The following RAD54B variants were observed in gnomAD, a reference collection of about 807,000 sequenced individuals.
RAD54B encodes RAD54 homolog B, also known as DNA repair and recombination protein RAD54B.
In RAD54B, 78 loss-of-function variants were observed where a neutral mutation model predicts 95.8. The ratio of observed to expected loss-of-function variants is 0.81; its 90% confidence interval spans 0.68 to 0.98. RAD54B has a LOEUF of 0.98. RAD54B is among the 50% of genes least tolerant of loss of function. RAD54B has a pLI of 0.00. For missense variants in RAD54B, 957 were observed against 1,056.6 expected, an observed-to-expected ratio of 0.91 and a Z score of 1.31; for synonymous variants, 328 against 354.9, an observed-to-expected ratio of 0.92 and a Z score of 0.85.
At chr8:94,448,747 C>A (rs1212416721) in intron 3 of RAD54B, among the ~76,000 whole-genome samples, 1 of 147,652 alleles carries the variant, frequency 6.8e-6, no homozygotes, top group South Asian at 2.1e-4. Context: ...ACAGTGGTTA[C>A]TAGAACAGAA....
intron 3 of RAD54B, among the ~76,000 whole-genome samples, chr8:94,447,120 T>C (rs2921385): frequency 0.56 from 85,761 of 151,970 alleles, 26,330 homozygotes; most frequent in East Asian, 0.82. Context: ...GTTAAGCAGT[T>C]AAGACAATCA....
chr8:94,391,945 T>G, intron 9 of RAD54B, 46 bp from the exon 10 acceptor site: 1 of 1,459,230 alleles, frequency 6.9e-7, no homozygotes, highest in East Asian at 2.3e-5. Context: ...TAGACAAAAA[T>G]ACACTTAAAA....
intron 3 of RAD54B, among the ~76,000 whole-genome samples, chr8:94,413,642 A>T (rs1811581533): frequency 6.6e-6 from 1 of 152,204 alleles, no homozygotes; most frequent in Non-Finnish European, 1.5e-5. Flanking sequence ...AGGATATACA[A>T]AGCTTTCTTA....
chr8:94,391,135 C>T (rs773999819), intron 10 of RAD54B, among the ~76,000 whole-genome samples: 12 of 151,890 alleles, frequency 7.9e-5, no homozygotes, highest in Non-Finnish European at 1.3e-4. Flanking sequence ...ATGTGATTTT[C>T]CATGGGTTGA....
chr8:94,473,846 A>G (rs1182990912), intron 1 of RAD54B, among the ~76,000 whole-genome samples: 1 of 152,184 alleles, frequency 6.6e-6, no homozygotes, highest in Non-Finnish European at 1.5e-5. Context: ...TGCTCCTTTG[A>G]GACTCCGGCT....
At chr8:94,442,435 C>T (rs372537148) in intron 3 of RAD54B, among the ~76,000 whole-genome samples, 5 of 152,034 alleles carry the variant, frequency 3.3e-5, no homozygotes, top group East Asian at 3.9e-4. Context: ...ATTAGCCAGG[C>T]GTGGTGGCAG....
intron 3 of RAD54B, among the ~76,000 whole-genome samples, chr8:94,434,390 G>A (rs1163310078): frequency 2.0e-5 from 3 of 151,636 alleles, no homozygotes; most frequent in African/African-American, 7.3e-5. Flanking sequence ...GACAGAGAAG[G>A]ACTTGAGAAT....
chr8:94,378,824 T>G (rs1810664735), intron 12 of RAD54B, among the ~76,000 whole-genome samples, 190 bp from the exon 13 acceptor site: 1 of 152,160 alleles, frequency 6.6e-6, no homozygotes, highest in Non-Finnish European at 1.5e-5. Context: ...AAGGGATGAG[T>G]GAACACTTAC....
At chr8:94,374,877 A>C (rs1810530230) in intron 14 of RAD54B, among the ~76,000 whole-genome samples, 1 of 152,262 alleles carries the variant, frequency 6.6e-6, no homozygotes, top group African/African-American at 2.4e-5. Flanking sequence ...GGCAAACAAT[A>C]TGAAGAGATG....
In RAD54B at chr8:94,380,306, T is replaced by A; in HGVS notation, c.2086A>T (p.Ile696Phe). 6.2e-7 allele frequency: 1 copy of A among 1,614,096 alleles called. No homozygotes were observed. The highest frequency in any genetic ancestry group is 1.3e-5 in the African/African-American group (1 of 75,048). ...TCAACAATCTGCTGCCTTTGAGAGA[T>A]TGGTGTTTGTCCATCAAGTCTTGTA... ...AYTRLDGQTPISQRQQIVDGF... is the reference protein window; with the variant it reads ...AYTRLDGQTPFSQRQQIVDGF... Residue 696 changes from isoleucine to phenylalanine, a missense_variant, in exon 12 of 15, where the codon ATC becomes TTC. Transcript: ENST00000336148.
intron 2 of RAD54B, among the ~76,000 whole-genome samples, chr8:94,466,180 C>A (rs528753552): frequency 1.4e-4 from 21 of 151,912 alleles, no homozygotes; most frequent in Non-Finnish European, 2.9e-4. Flanking sequence ...ATACGCTTAA[C>A]CACAATAAAA....
Position 94,387,011 on chromosome 8 carries a change from A to G in RAD54B, c.1958T>C (p.Val653Ala), listed in dbSNP as rs777795099. 6.2e-7 allele frequency: 1 copy of G among 1,601,908 alleles called. No individual in the cohort carries two copies. The highest frequency in any genetic ancestry group is 2.2e-5 in the East Asian group (1 of 44,548). Residue 653 changes from valine (V) to alanine (A), a missense_variant, in exon 11 of 15, where the codon GTT becomes GCT. Physicochemically the swap from Val to Ala is moderately conservative, Grantham distance 64 (BLOSUM62 0). Coordinates refer to ENST00000336148, the MANE Select transcript of RAD54B (RefSeq NM_012415.3). Reference sequence around the variant, plus strand: ...TTCAGTAGGTCGAAGTTCGTGGATAACCGCTAAGAGCTTGGACAACACCTG... The same window carrying G: ...TTCAGTAGGTCGAAGTTCGTGGATAGCCGCTAAGAGCTTGGACAACACCTG... ...KLQVLSKLLA[V>A]IHELRPTEKV...
chr8:94,404,140 T>C lies in RAD54B; in HGVS notation c.881A>G (p.Tyr294Cys), dbSNP rs1811326095. The C allele has an allele frequency of 3.1e-6, 5 of 1,610,978 alleles. No homozygotes were observed. The highest frequency in any genetic ancestry group is 3.4e-6 in the Non-Finnish European group (4 of 1,177,842). Residue 294 changes from tyrosine (Y) to cysteine (C), a missense_variant, in exon 6 of 15, where the codon TAT becomes TGT. Tyr to Cys is a radical substitution (Grantham distance 194). Transcript: ENST00000336148. ...TTCTTTCTGATGTGGTCGAAGATGA[T>C]ATACAAGGTAAGGATCAATCACTAC... ...VDVVIDPYLVYHLRPHQKEGI... is the reference protein window; with the variant it reads ...VDVVIDPYLVCHLRPHQKEGI...
intron 10 of RAD54B, among the ~76,000 whole-genome samples, chr8:94,389,133 T>C (rs1393544438): frequency 6.6e-6 from 1 of 152,198 alleles, no homozygotes; most frequent in African/African-American, 2.4e-5. Context: ...CTTTTCTTTT[T>C]TTAAAGAGAC....
chr8:94,418,075 G>A (rs370052313), intron 3 of RAD54B, among the ~76,000 whole-genome samples: 4 of 152,106 alleles, frequency 2.6e-5, no homozygotes, highest in South Asian at 2.1e-4. Context: ...TGGATAACAC[G>A]TCATTTTTCA....
chr8:94,390,847 C>G (rs557575634), intron 10 of RAD54B, among the ~76,000 whole-genome samples: 12 of 151,824 alleles, frequency 7.9e-5, no homozygotes, highest in African/African-American at 1.9e-4. Context: ...AGTCTAAACA[C>G]GAAATTCATT....
chr8:94,444,423 A>C (rs1006778426), intron 3 of RAD54B, among the ~76,000 whole-genome samples: 2 of 151,392 alleles, frequency 1.3e-5, no homozygotes, highest in Admixed American at 1.3e-4. Context: ...AAAAAAAAAA[A>C]AACTAAAACT....
At chr8:94,384,034 A>G (rs949469596) in intron 11 of RAD54B, among the ~76,000 whole-genome samples, 3 of 152,218 alleles carry the variant, frequency 2.0e-5, no homozygotes. Flanking sequence ...TTTATATCCA[A>G]AAGAATTTAA....
chr8:94,423,519 T>C (rs984271610), intron 3 of RAD54B, among the ~76,000 whole-genome samples: 1 of 152,240 alleles, frequency 6.6e-6, no homozygotes, highest in Non-Finnish European at 1.5e-5. Flanking sequence ...TGTTCTTTCA[T>C]AACCATAATT....
Sources: allele counts gnomAD v4.1 joint callset (sites outside exome capture counted in the v4.1 genomes callset), GRCh38; gene constraint gnomAD v4.1.1; transcripts MANE v1.5; gene names NCBI Gene and HGNC (gene_info 2026-07-23, HGNC 2026-07-21).